Variants in SERPINB1 observed in about 807,000 individuals in gnomAD.
SERPINB1 encodes leukocyte elastase inhibitor.
A neutral mutation model predicts 25.9 loss-of-function variants in SERPINB1; 23 were observed. The ratio of observed to expected loss-of-function variants is 0.89; its 90% CI spans 0.64 to 1.26. SERPINB1 has a LOEUF of 1.26. SERPINB1 is among the 50% of genes most tolerant of loss of function. SERPINB1 has a pLI of 0.00. For missense variants in SERPINB1, 399 were observed against 463.6 expected (o/e 0.86, Z 1.28); for synonymous variants, 178 against 178.7 (o/e 1.00, Z 0.03).
rs199825256 is a variant in SERPINB1, at chr6:2,835,968, T to C, written c.623A>G (p.Tyr208Cys). 4.3e-6 allele frequency: 7 copies of C among 1,614,238 alleles called. No homozygotes were observed. In the East Asian group the frequency reaches 1.3e-4, roughly 31 times the overall value. ...CACACGGCACTTAAGGTCCTCGATG[T>C]AGCCATATGCAAATTTTTTCTTCTG... ...MYQKKKFAYG[Y>C]IEDLKCRVLE... Residue 208 changes from tyrosine to cysteine, a missense_variant, in exon 6 of 7, where the codon TAC becomes TGC. Tyr to Cys is a radical substitution (Grantham distance 194). Transcript: ENST00000380739.
intron 1 of SERPINB1, among the ~76,000 whole-genome samples, 170 bp from the exon 2 acceptor site, chr6:2,840,764 C>T (rs1268512486): frequency 6.6e-6 from 1 of 152,208 alleles, no homozygotes; most frequent in African/African-American, 2.4e-5. Context: ...CTTTCCCAGG[C>T]CCACAAATGT....
chr6:2,835,759 G>A (rs956904350), intron 6 of SERPINB1, 97 bp downstream of exon 6: 1 of 1,335,702 alleles, frequency 7.5e-7, no homozygotes, highest in African/African-American at 1.5e-5. Flanking sequence ...CAAACTACTG[G>A]AAAATGCACC....
At chr6:2,834,260 C>T (rs1230570586) in intron 6 of SERPINB1, among the ~76,000 whole-genome samples, 1 of 152,054 alleles carries the variant, frequency 6.6e-6, no homozygotes, top group Admixed American at 6.6e-5. Context: ...TCCACTCACC[C>T]ACCCATCCAC....
intron 3 of SERPINB1, 55 bp downstream of exon 3, chr6:2,838,494 G>C (rs1766557099): frequency 7.2e-7 from 1 of 1,396,114 alleles, no homozygotes; most frequent in Non-Finnish European, 9.4e-7. Flanking sequence ...GATTGTGCTG[G>C]AAAATATCTG....
At chr6:2,834,136 C>A in intron 6 of SERPINB1, 124 bp from the exon 7 acceptor site, 1 of 903,554 alleles carries the variant, frequency 1.1e-6, no homozygotes, top group Non-Finnish European at 1.6e-6. Flanking sequence ...ATGTTTTGTG[C>A]CAAAACAGAT....
At chr6:2,840,135 C>A (rs899505815) in intron 2 of SERPINB1, among the ~76,000 whole-genome samples, 4 of 152,224 alleles carry the variant, frequency 2.6e-5, no homozygotes, top group African/African-American at 9.6e-5. Context: ...CAGATTCATC[C>A]ACTGGAACAG....
chr6:2,833,789 T>C lies in SERPINB1; in HGVS notation c.959A>G (p.His320Arg). ...ARDIFISKIV[H>R]KSFVEVNEEG... ...TTCATTCACTTCCACAAATGACTTG[T>C]GGACAATTTTTGATATAAAAATATC... Residue 320 changes from histidine (H) to arginine (R), a missense_variant, in exon 7 of 7, where the codon CAC becomes CGC. Physicochemically the swap from His to Arg is conservative, Grantham distance 29. Transcript: ENST00000380739. 1 of 1,614,164 alleles carries C rather than the reference T, an allele frequency of 6.2e-7. No homozygotes were observed.
Position 2,833,714 on chromosome 6 carries a change from A to T in SERPINB1, c.1034T>A (p.Met345Lys), listed in dbSNP as rs1191465002. 6.2e-7 allele frequency: 1 copy of T among 1,614,238 alleles called. No homozygotes were observed. The highest frequency in any genetic ancestry group is 1.1e-5 in the South Asian group (1 of 91,086). The change falls in exon 7 of 7, where the codon ATG becomes AAG. Residue 345 changes from methionine (M) to lysine (K), a missense_variant. Met to Lys is a moderately conservative substitution (Grantham distance 95). Transcript: ENST00000380739. ...AGTGAAATTTTCTTCGGGCATCAAC[A>T]TGCAGAAAGTTGCGATGCCTGCTGT... ...AATAGIATFC[M>K]LMPEENFTAD...
Position 2,836,216 on chromosome 6 carries a change from A to G in SERPINB1, c.459T>C (p.Val153=). Residue 153 remains valine, a synonymous_variant, in exon 5 of 7, where the codon GTT becomes GTC. Transcript: ENST00000380739. The part of the protein sequence containing the change: ...KIPELLASGM[V]DNMTKLVLVN... ...CTAGCACAAGTTTGGTCATGTTATCAACCATGCCCGAAGCCAACAGTTCCG... is the reference window on the plus strand; with the variant it reads ...CTAGCACAAGTTTGGTCATGTTATCGACCATGCCCGAAGCCAACAGTTCCG... The G allele has an allele frequency of 1.2e-6, 2 of 1,609,554 alleles. No individual in the cohort carries two copies. The highest frequency in any genetic ancestry group is 1.1e-5 in the South Asian group (1 of 89,398).
chr6:2,838,486 T>C (rs1232832215), intron 3 of SERPINB1, 63 bp downstream of exon 3: 3 of 1,359,302 alleles, frequency 2.2e-6, no homozygotes, highest in Admixed American at 2.7e-5. Context: ...CATGACTTGA[T>C]TGTGCTGGAA....
chr6:2,835,227 T>C (rs1300439122), intron 6 of SERPINB1, among the ~76,000 whole-genome samples: 1 of 152,172 alleles, frequency 6.6e-6, no homozygotes, highest in African/African-American at 2.4e-5. Context: ...TACTAGTAAA[T>C]AGGCCTAACA....
intron 2 of SERPINB1, 57 bp downstream of exon 2, chr6:2,840,362 C>A: frequency 3.1e-6 from 5 of 1,593,776 alleles, no homozygotes; most frequent in Non-Finnish European, 3.4e-6. Flanking sequence ...TCCATGCAGA[C>A]TGTCCATTCG....
chr6:2,836,881 C>A (rs1477822618), intron 4 of SERPINB1, among the ~76,000 whole-genome samples: 6 of 151,980 alleles, frequency 3.9e-5, no homozygotes, highest in Non-Finnish European at 7.4e-5. Context: ...AACAAACAAA[C>A]AAAAAAACCA....
At chr6:2,839,505 T>A in intron 2 of SERPINB1, 5 of 984,044 alleles carry the variant, frequency 5.1e-6, no homozygotes, top group Non-Finnish European at 6.0e-6. Flanking sequence ...AGAGGTTTTT[T>A]TTTTTTAATG....
At chr6:2,835,750 A>G in intron 6 of SERPINB1, 106 bp downstream of exon 6, 1 of 1,265,780 alleles carries the variant, frequency 7.9e-7, no homozygotes, top group Non-Finnish European at 1.1e-6. Flanking sequence ...AAGGAATGAC[A>G]AACTACTGGA....
At chr6:2,836,282 T>C in intron 4 of SERPINB1, 32 bp from the exon 5 acceptor site, 3 of 1,571,278 alleles carry the variant, frequency 1.9e-6, no homozygotes, top group Non-Finnish European at 2.6e-6. Flanking sequence ...GTAAAAAAAA[T>C]CCAAATCGGA....
At position 2,833,463 on chromosome 6, in the gene SERPINB1, A is replaced by C; in HGVS notation, c.*145T>G. 1.2e-6 allele frequency: 1 copy of C among 821,180 alleles called. No homozygotes were observed. The highest frequency in any genetic ancestry group is 1.8e-6 in the Non-Finnish European group (1 of 558,156). 50.9% of individuals were successfully genotyped at this position (821,180 alleles called of 1,614,324 possible). ...CCAAAATTCATGGGTGTAAACAGCC[A>C]ACAGAGCCAAACTTACAAAGAAAAT... On this transcript the variant is annotated 3_prime_UTR_variant, in exon 7 of 7. Coordinates refer to ENST00000380739, the MANE Select transcript of SERPINB1 (RefSeq NM_030666.4).
intron 6 of SERPINB1, 78 bp downstream of exon 6, chr6:2,835,778 A>T: frequency 6.8e-7 from 1 of 1,473,342 alleles, no homozygotes; most frequent in South Asian, 1.3e-5. Flanking sequence ...CCATCAGTGA[A>T]CACTTAACAA....
chr6:2,836,846 C>T (rs1248246632), intron 4 of SERPINB1, among the ~76,000 whole-genome samples: 1 of 152,054 alleles, frequency 6.6e-6, no homozygotes, highest in Non-Finnish European at 1.5e-5. Flanking sequence ...CAGAGCAAGA[C>T]TCTGTCTCTT....
Sources: allele counts gnomAD v4.1 joint callset (sites outside exome capture counted in the v4.1 genomes callset), GRCh38; gene constraint gnomAD v4.1.1; transcripts MANE v1.5; gene names NCBI Gene and HGNC (gene_info 2026-07-23, HGNC 2026-07-21).